The following TMEFF2 variants were observed in gnomAD, a reference collection of about 807,000 sequenced individuals.
TMEFF2 encodes tomoregulin-2.
In TMEFF2, 28 loss-of-function variants were observed where a neutral mutation model predicts 53.8. The observed-to-expected ratio is 0.52, with a 90% CI of 0.39 to 0.71. The LOEUF (loss-of-function observed/expected upper bound fraction) is 0.71, where lower values mean the gene tolerates loss of function less well. Ranked by LOEUF, TMEFF2 falls within the 30% of genes least tolerant of loss-of-function variation. The probability of loss-of-function intolerance (pLI) is 0.00; values close to 1 mark genes in which losing one functional copy is unlikely to be tolerated. For synonymous variants in TMEFF2, 162 were observed against 166.3 expected (o/e 0.97, Z 0.20); for missense variants, 353 against 455.2 (o/e 0.78, Z 2.04).
intron 5 of TMEFF2, among the ~76,000 whole-genome samples, chr2:192,011,916 T>C (rs926186735): frequency 2.0e-5 from 3 of 152,298 alleles, no homozygotes; most frequent in Admixed American, 1.3e-4. Context: ...AGACAGCGTC[T>C]CGCTCTGTCA....
chr2:192,177,138 G>C (rs1339698556), intron 4 of TMEFF2: 1 of 151,148 alleles, frequency 6.6e-6, no homozygotes, highest in African/African-American at 2.4e-5. Flanking sequence ...ACAATTGTTG[G>C]ATTAGCCAAA....
chr2:191,961,294 C>T (rs1574246161), intron 7 of TMEFF2, among the ~76,000 whole-genome samples: 2 of 152,204 alleles, frequency 1.3e-5, no homozygotes, highest in East Asian at 1.9e-4. Flanking sequence ...GATCTTGACA[C>T]GCACATGCGA....
chr2:192,017,921 C>T (rs898084064), intron 5 of TMEFF2, among the ~76,000 whole-genome samples: 2 of 152,182 alleles, frequency 1.3e-5, no homozygotes, highest in Non-Finnish European at 2.9e-5. Flanking sequence ...CTACATCCAC[C>T]TAGGCAAGTT....
intron 4 of TMEFF2, among the ~76,000 whole-genome samples, chr2:192,111,654 G>T (rs1389247609): frequency 6.6e-6 from 1 of 152,216 alleles, no homozygotes; most frequent in Non-Finnish European, 1.5e-5. Context: ...GTAAAGAGGA[G>T]CCAAATGTTA....
chr2:192,188,178 C>T (rs1338573173), intron 2 of TMEFF2, among the ~76,000 whole-genome samples: 1 of 152,108 alleles, frequency 6.6e-6, no homozygotes, highest in Non-Finnish European at 1.5e-5. Flanking sequence ...ATTTATATTT[C>T]CTTAAATGTA....
At chr2:192,102,291 G>A (rs1228649262) in intron 4 of TMEFF2, among the ~76,000 whole-genome samples, 1 of 152,122 alleles carries the variant, frequency 6.6e-6, no homozygotes, top group Non-Finnish European at 1.5e-5. Context: ...ATGCTTACAA[G>A]CTTATCACCA....
At chr2:191,983,898 G>C (rs889046278) in intron 7 of TMEFF2, among the ~76,000 whole-genome samples, 1 of 152,136 alleles carries the variant, frequency 6.6e-6, no homozygotes, top group African/African-American at 2.4e-5. Context: ...CAGTGAGAAA[G>C]AACTTTTCTT....
chr2:192,089,693 GC>G (rs1252438289), intron 4 of TMEFF2, among the ~76,000 whole-genome samples: 2 of 152,072 alleles, frequency 1.3e-5, no homozygotes, highest in African/African-American at 4.8e-5. Flanking sequence ...ATGTCACCAG[GC>G]TTCAGACCAA....
intron 4 of TMEFF2, among the ~76,000 whole-genome samples, chr2:192,162,749 C>T (rs1690666120): frequency 6.6e-6 from 1 of 152,110 alleles, no homozygotes; most frequent in Admixed American, 6.5e-5. Flanking sequence ...AAAAACCAAA[C>T]AATAATCCAA....
chr2:191,964,319 C>CCTTT (rs1559063238), intron 7 of TMEFF2, among the ~76,000 whole-genome samples: 16 of 133,734 alleles, frequency 1.2e-4, no homozygotes, highest in African/African-American at 4.8e-4. Context: ...TTCTTTCCTT[C>CCTTT]CTTCCTTTCT....
chr2:191,984,117 CTTTTA>C (rs1685919675), intron 7 of TMEFF2, among the ~76,000 whole-genome samples: 1 of 151,704 alleles, frequency 6.6e-6, no homozygotes, highest in Non-Finnish European at 1.5e-5. Context: ...TTCTTTTTTT[CTTTTA>C]TTTTTCTTTT....
chr2:191,950,092 T>C lies in TMEFF2; in HGVS notation c.*219A>G. ...AAAAAACTATATTGTGTGATATAAATAGTTTATTTACATTACAGAAAAAAC... is the reference window on the plus strand; with the variant it reads ...AAAAAACTATATTGTGTGATATAAACAGTTTATTTACATTACAGAAAAAAC... On this transcript the variant is annotated 3_prime_UTR_variant, in exon 10 of 10. Coordinates refer to ENST00000272771, the MANE Select transcript of TMEFF2 (RefSeq NM_016192.4). The C allele has an allele frequency of 7.7e-7, 1 of 1,300,236 alleles. No homozygotes were observed. The highest frequency in any genetic ancestry group is 9.8e-7 in the Non-Finnish European group (1 of 1,017,908). 80.5% of individuals were successfully genotyped at this position (1,300,236 alleles called of 1,614,324 possible).
intron 2 of TMEFF2, among the ~76,000 whole-genome samples, chr2:192,190,514 CT>C (rs933897554): frequency 3.9e-5 from 6 of 152,118 alleles, no homozygotes; most frequent in Non-Finnish European, 8.8e-5. Context: ...CATAATGGCA[CT>C]GTTTAATGTG....
intron 4 of TMEFF2, among the ~76,000 whole-genome samples, chr2:192,129,057 A>G (rs1351255498): frequency 2.0e-5 from 3 of 152,144 alleles, no homozygotes; most frequent in African/African-American, 7.2e-5. Context: ...AGCACCCAGC[A>G]ATCTTAACAC....
At chr2:192,158,115 G>A (rs1382036138) in intron 4 of TMEFF2, among the ~76,000 whole-genome samples, 1 of 151,802 alleles carries the variant, frequency 6.6e-6, no homozygotes, top group African/African-American at 2.4e-5. Context: ...ATCAAGCAGG[G>A]GCAATACCAT....
chr2:192,129,434 G>C (rs1045823636), intron 4 of TMEFF2, among the ~76,000 whole-genome samples: 1 of 150,744 alleles, frequency 6.6e-6, no homozygotes, highest in Admixed American at 6.6e-5. Flanking sequence ...CATAGTTTTT[G>C]GGCCATCCAA....
chr2:192,121,649 G>A (rs1460603995), intron 4 of TMEFF2, among the ~76,000 whole-genome samples: 1 of 152,140 alleles, frequency 6.6e-6, no homozygotes, highest in African/African-American at 2.4e-5. Flanking sequence ...TAATACTGCT[G>A]GTTTTAGGAT....
intron 5 of TMEFF2, among the ~76,000 whole-genome samples, chr2:192,003,347 G>T (rs1308262022): frequency 6.6e-6 from 1 of 152,128 alleles, no homozygotes; most frequent in Non-Finnish European, 1.5e-5. Context: ...CATACTGAAA[G>T]TACAAAGAAA....
intron 4 of TMEFF2, among the ~76,000 whole-genome samples, chr2:192,069,790 A>G (rs1688244591): frequency 2.0e-5 from 3 of 151,754 alleles, no homozygotes; most frequent in Non-Finnish European, 2.9e-5. Flanking sequence ...ACAATGCTCT[A>G]TTTAGAACTT....
Sources: allele counts gnomAD v4.1 joint callset (sites outside exome capture counted in the v4.1 genomes callset), GRCh38; gene constraint gnomAD v4.1.1; transcripts MANE v1.5; gene names NCBI Gene and HGNC (gene_info 2026-07-23, HGNC 2026-07-21).